The following ZNF595 variants were observed in gnomAD, a reference collection of about 807,000 sequenced individuals.
ZNF595 encodes the protein zinc finger protein 595.
Under a neutral mutation model 19.4 loss-of-function variants are expected in ZNF595, and 9 were observed. The ratio of observed to expected loss-of-function variants is 0.46; its 90% confidence interval spans 0.28 to 0.81. ZNF595 has a LOEUF of 0.81. ZNF595 is among the 30% of genes least tolerant of loss of function. ZNF595 has a pLI of 0.11. For synonymous variants in ZNF595, 255 were observed against 255.9 expected (o/e 1.00, Z 0.03); for missense variants, 729 against 736.0 (o/e 0.99, Z 0.11).
chr4:60,687 G>A (rs1298798104), intron 3 of ZNF595, among the ~76,000 whole-genome samples: 6 of 152,282 alleles, frequency 3.9e-5, no homozygotes, highest in South Asian at 2.1e-4. Context: ...GTATACATGT[G>A]CCATGCTGGT....
intron 3 of ZNF595, among the ~76,000 whole-genome samples, chr4:61,072 A>G (rs1581322747): frequency 6.6e-6 from 1 of 152,300 alleles, no homozygotes; most frequent in East Asian, 1.9e-4. Flanking sequence ...ATCACCACAG[A>G]TAAGCAAAAA....
chr4:75,687 T>A (rs368697065), intron 3 of ZNF595, among the ~76,000 whole-genome samples: 6 of 152,330 alleles, frequency 3.9e-5, no homozygotes, highest in African/African-American at 1.2e-4. Flanking sequence ...TAGTAGTTTC[T>A]GTTTTGTAAT....
chr4:77,009 T>A (rs1553798837), intron 3 of ZNF595, among the ~76,000 whole-genome samples: 2 of 152,180 alleles, frequency 1.3e-5, no homozygotes, highest in Non-Finnish European at 2.9e-5. Context: ...TGAGAAAAAT[T>A]TAGGACATTA....
At chr4:73,694 T>C (rs1038447994) in intron 3 of ZNF595, among the ~76,000 whole-genome samples, 7 of 152,224 alleles carry the variant, frequency 4.6e-5, no homozygotes, top group Admixed American at 3.3e-4. Flanking sequence ...CTTTGGCTTT[T>C]ACTGAATTGT....
At position 78,307 on chromosome 4, in the gene ZNF595, C is replaced by T. The variant is rs565495266; in HGVS notation, c.227-7424C>T. Among the ~76,000 whole-genome samples, 11 of 152,320 alleles carry T rather than the reference C, an allele frequency of 7.2e-5. 1 individual carries two copies. In the South Asian group the frequency reaches 2.3e-3, roughly 32 times the overall value. On this transcript the variant is annotated intron_variant, in intron 3 of 3. Transcript: ENST00000610261. ...ACAGGCGTGAGCCACCGCGCCCGAC[C>T]TTTTGTTTTAATCTTTCTGTTTGCC...
At chr4:57,760 C>T (rs1416632085) in intron 1 of ZNF595, among the ~76,000 whole-genome samples, 12 of 151,344 alleles carry the variant, frequency 7.9e-5, no homozygotes, top group African/African-American at 2.2e-4. Context: ...ACCTGCATGG[C>T]TGTTTATGGA....
chr4:70,820 G>C (rs1459729081), intron 3 of ZNF595, among the ~76,000 whole-genome samples: 1 of 152,014 alleles, frequency 6.6e-6, no homozygotes, highest in African/African-American at 2.4e-5. Flanking sequence ...CAGTGACTTT[G>C]GCTATTCTGA....
At position 83,970 on chromosome 4, in the gene ZNF595, A is replaced by G. The variant is rs557178399; in HGVS notation, c.227-1761A>G. The stretch of plus-strand genomic sequence containing the variant: ...TGTCTTCCTTTTGACTTTTGTGTTG[A>G]TAGATTTTTACTTATTTTTTCATGT... On this transcript the variant is annotated intron_variant, in intron 3 of 3. Transcript: ENST00000610261. 2.0e-4 allele frequency among the ~76,000 whole-genome samples: 30 copies of G among 150,750 alleles called. No homozygotes were observed. In the South Asian group the frequency reaches 5.0e-3, roughly 25 times the overall value.
At chr4:71,764 A>G (rs1713441712) in intron 3 of ZNF595, among the ~76,000 whole-genome samples, 1 of 152,146 alleles carries the variant, frequency 6.6e-6, no homozygotes, top group Non-Finnish European at 1.5e-5. Context: ...TTAGAGACAC[A>G]TTGCTGGTCA....
intron 3 of ZNF595, among the ~76,000 whole-genome samples, chr4:76,792 C>T (rs1384345816): frequency 1.3e-5 from 2 of 152,158 alleles, no homozygotes; most frequent in Admixed American, 1.3e-4. Context: ...ATCTGGCTTG[C>T]ATGGTTTCTG....
At chr4:77,979 G>A (rs1553799060) in intron 3 of ZNF595, among the ~76,000 whole-genome samples, 1 of 152,022 alleles carries the variant, frequency 6.6e-6, no homozygotes, top group African/African-American at 2.4e-5. Flanking sequence ...ATACACAGCT[G>A]AGACCAAAGT....
At chr4:69,573 A>G (rs190380941) in intron 3 of ZNF595, among the ~76,000 whole-genome samples, 117 of 152,278 alleles carry the variant, frequency 7.7e-4, no homozygotes, top group Admixed American at 3.9e-3. Flanking sequence ...TTCTTTGCAC[A>G]TTCATAATCA....
intron 3 of ZNF595, among the ~76,000 whole-genome samples, chr4:82,469 C>T (rs1399069739): frequency 6.9e-6 from 1 of 144,088 alleles, no homozygotes; most frequent in Non-Finnish European, 1.5e-5. Flanking sequence ...CCACAACCCT[C>T]TGCCTCCCAG....
intron 3 of ZNF595, among the ~76,000 whole-genome samples, chr4:69,924 C>A (rs1188274401): frequency 2.0e-5 from 3 of 152,198 alleles, no homozygotes; most frequent in Non-Finnish European, 2.9e-5. Context: ...GCCCACAGAC[C>A]GTGACCCAAA....
chr4:61,419 A>T (rs1332742659), intron 3 of ZNF595, among the ~76,000 whole-genome samples: 8 of 151,524 alleles, frequency 5.3e-5, no homozygotes, highest in African/African-American at 2.0e-4. Context: ...TACAGGCCTG[A>T]GCCACCGTGC....
In ZNF595 at chr4:87,366, A is replaced by G; in HGVS notation, c.1862A>G (p.Lys621Arg). The G allele has an allele frequency of 1.2e-6, 2 of 1,613,114 alleles. No homozygotes were observed. Among genetic ancestry groups the G allele is most frequent in the Non-Finnish European group, 1.7e-6 (2 of 1,179,610 alleles). Residue 621 changes from lysine (K) to arginine (R), a missense_variant, in exon 4 of 4, where the codon AAA becomes AGA. Lys to Arg is a conservative substitution (Grantham distance 26, BLOSUM62 2). Transcript: ENST00000610261. ...KIIHTGEKSY[K>R]CEECGKAFNR... ...ATTCATACTGGAGAGAAATCCTACA[A>G]ATGTGAAGAATGTGGCAAAGCTTTT...
intron 1 of ZNF595, among the ~76,000 whole-genome samples, chr4:55,003 T>G (rs1712562335): frequency 6.6e-6 from 1 of 150,730 alleles, no homozygotes; most frequent in Non-Finnish European, 1.5e-5. Context: ...TAACTCAGTC[T>G]CCCGAGTAGC....
intron 3 of ZNF595, among the ~76,000 whole-genome samples, chr4:66,749 A>G (rs1289990792): frequency 3.3e-5 from 5 of 152,228 alleles, no homozygotes; most frequent in Admixed American, 6.5e-5. Context: ...TCATTTGAAC[A>G]TATACACAGT....
intron 3 of ZNF595, among the ~76,000 whole-genome samples, chr4:66,864 G>A (rs1203367199): frequency 1.4e-4 from 21 of 151,934 alleles, no homozygotes; most frequent in African/African-American, 5.1e-4. Context: ...AACAGGAAAC[G>A]TTGTGCATGT....
Sources: allele counts gnomAD v4.1 joint callset (sites outside exome capture counted in the v4.1 genomes callset), GRCh38; gene constraint gnomAD v4.1.1; transcripts MANE v1.5; gene names NCBI Gene and HGNC (gene_info 2026-07-23, HGNC 2026-07-21).